Variants in IGSF5 observed in about 807,000 individuals in gnomAD.
The protein encoded by IGSF5 is immunoglobulin superfamily 5 like.
IGSF5 carries 41 observed loss-of-function variants against 39.4 expected under a neutral mutation model. The observed-to-expected ratio is 1.04, with a 90% CI of 0.81 to 1.35. The LOEUF (loss-of-function observed/expected upper bound fraction) is 1.35. IGSF5 is among the 40% of genes most tolerant of loss of function. The pLI is 0.00. For synonymous variants in IGSF5, 183 were observed against 175.3 expected (o/e 1.04, Z -0.34); for missense variants, 487 against 494.6 (o/e 0.98, Z 0.15).
intron 2 of IGSF5, among the ~76,000 whole-genome samples, chr21:39,758,648 C>A (rs917049225): frequency 4.6e-4 from 70 of 152,160 alleles, no homozygotes; most frequent in Non-Finnish European, 8.7e-4. Flanking sequence ...GAGTGAACTC[C>A]TGTGTGTGCA....
chr21:39,789,330 T>A (rs1298394183), intron 6 of IGSF5, among the ~76,000 whole-genome samples: 1 of 152,202 alleles, frequency 6.6e-6, no homozygotes, highest in African/African-American at 2.4e-5. Flanking sequence ...AAAGCTAGTA[T>A]ATCTTGAGTG....
At chr21:39,788,479 C>T (rs1399168680) in intron 6 of IGSF5, among the ~76,000 whole-genome samples, 1 of 152,198 alleles carries the variant, frequency 6.6e-6, no homozygotes, top group Non-Finnish European at 1.5e-5. Context: ...GCTCTTTCCA[C>T]AAGAGGACAC....
intron 2 of IGSF5, chr21:39,751,201 G>C (rs926785823): frequency 6.6e-6 from 1 of 152,260 alleles, no homozygotes; most frequent in African/African-American, 2.4e-5. Context: ...GGCAGCATCA[G>C]GACTCTCTAG....
At chr21:39,797,184 G>A (rs1411561501) in intron 8 of IGSF5, among the ~76,000 whole-genome samples, 3 of 150,936 alleles carry the variant, frequency 2.0e-5, no homozygotes, top group Non-Finnish European at 4.4e-5. Flanking sequence ...GTACTATAAG[G>A]TGTGTGCATG....
At chr21:39,760,934 TCAAA>T (rs1403004345) in intron 2 of IGSF5, among the ~76,000 whole-genome samples, 4 of 152,140 alleles carry the variant, frequency 2.6e-5, no homozygotes, top group Non-Finnish European at 5.9e-5. Context: ...TGGAAATCTT[TCAAA>T]CAAAGTCTGG....
chr21:39,754,204 A>G (rs1196836223), intron 2 of IGSF5, among the ~76,000 whole-genome samples: 1 of 152,204 alleles, frequency 6.6e-6, no homozygotes, highest in Non-Finnish European at 1.5e-5. Flanking sequence ...AAATGCCTTT[A>G]GCATTTTTTG....
intron 6 of IGSF5, 28 bp from the exon 7 acceptor site, chr21:39,791,980 A>G: frequency 6.8e-7 from 1 of 1,480,992 alleles, no homozygotes; most frequent in Admixed American, 1.8e-5. Flanking sequence ...CCAACAATTA[A>G]CATGAACATA....
chr21:39,789,548 C>G (rs2086948335), intron 6 of IGSF5, among the ~76,000 whole-genome samples: 1 of 152,080 alleles, frequency 6.6e-6, no homozygotes, highest in Non-Finnish European at 1.5e-5. Flanking sequence ...TCACGATGTC[C>G]ATGGTGCTCA....
chr21:39,785,518 TA>T (rs1421300533), intron 5 of IGSF5, among the ~76,000 whole-genome samples: 1 of 152,192 alleles, frequency 6.6e-6, no homozygotes, highest in Non-Finnish European at 1.5e-5. Context: ...TCTTTTGGCT[TA>T]GGATTGATTT....
chr21:39,760,641 G>T (rs2080056808), intron 2 of IGSF5, among the ~76,000 whole-genome samples: 1 of 152,020 alleles, frequency 6.6e-6, no homozygotes, highest in Non-Finnish European at 1.5e-5. Context: ...CGTGATCTCG[G>T]CTCACTGCAA....
chr21:39,788,156 C>A lies in IGSF5; in HGVS notation c.935-11C>A, dbSNP rs150001048. 27 of 1,589,618 alleles carry A rather than the reference C, an allele frequency of 1.7e-5. No individual in the cohort carries two copies. In the Middle Eastern group the frequency reaches 6.8e-4, roughly 40 times the overall value. ...CCGATTTTTCCAATGTAATTTTGTT[C>A]TTTTTTGCAGGATTTCGTATTCAAT... On this transcript the variant is annotated splice_polypyrimidine_tract_variant and intron_variant, in intron 5 of 8. Transcript: ENST00000380588.
At chr21:39,746,953 T>C (rs432683) in intron 2 of IGSF5, among the ~76,000 whole-genome samples, 124,889 of 152,178 alleles carry the variant, frequency 0.82, 51,430 homozygotes, top group Admixed American at 0.86. Context: ...GACCCCAGCA[T>C]GCCCTAAGGA....
In IGSF5 at chr21:39,772,954, C is replaced by T. The variant is rs551594505; in HGVS notation, c.718+1739C>T. On this transcript the variant is annotated intron_variant, in intron 4 of 8. Coordinates refer to ENST00000380588, the MANE Select transcript of IGSF5 (RefSeq NM_001080444.2). ...TGGGAATATCCTGTTTACCCACAAC[C>T]TTTCACCTAATACAATTTTTTAAAA... Among the ~76,000 whole-genome samples the T allele has an allele frequency of 4.6e-5, 7 of 152,264 alleles. No homozygotes were observed. The South Asian group carries it at 8.3e-4, about 18-fold the overall frequency.
intron 2 of IGSF5, among the ~76,000 whole-genome samples, chr21:39,764,288 C>T (rs150324845): frequency 2.0e-5 from 3 of 152,284 alleles, no homozygotes; most frequent in South Asian, 2.1e-4. Flanking sequence ...GTGTGTCCAA[C>T]GGTGTGATTC....
chr21:39,773,383 G>A (rs2080124258), intron 4 of IGSF5, among the ~76,000 whole-genome samples: 1 of 152,088 alleles, frequency 6.6e-6, no homozygotes, highest in African/African-American at 2.4e-5. Context: ...TATGGTGATT[G>A]TAAAGAGTGA....
the IGSF5 span, among the ~76,000 whole-genome samples, chr21:39,735,318 T>C: frequency 6.6e-6 from 1 of 152,252 alleles, no homozygotes; most frequent in African/African-American, 2.4e-5. Flanking sequence ...ATCACTTTTA[T>C]AATAAAGAAA....
At chr21:39,719,407 T>C in the IGSF5 span, among the ~76,000 whole-genome samples, 3 of 152,016 alleles carry the variant, frequency 2.0e-5, no homozygotes, top group Non-Finnish European at 4.4e-5. Context: ...TCTCTGTGTG[T>C]TGAAAGAGTG....
At chr21:39,769,283 C>T (rs2080101988) in intron 3 of IGSF5, among the ~76,000 whole-genome samples, 1 of 152,004 alleles carries the variant, frequency 6.6e-6, no homozygotes, top group Admixed American at 6.6e-5. Context: ...TGAGACCAGC[C>T]TGGGCAGCAT....
chr21:39,734,504 T>C, the IGSF5 span, among the ~76,000 whole-genome samples: 1 of 148,498 alleles, frequency 6.7e-6, no homozygotes, highest in African/African-American at 2.5e-5. Context: ...TCATACAGAA[T>C]AGTTTTGTTG....
Sources: gnomAD v4.1 joint callset for allele counts (sites outside exome capture counted in the v4.1 genomes callset) on GRCh38, gnomAD v4.1.1 for gene constraint, MANE v1.5 for transcripts, NCBI Gene and HGNC (gene_info 2026-07-23, HGNC 2026-07-21) for gene names.